COL19A1: variants seen among roughly 807,000 people sequenced by gnomAD.
COL19A1 encodes the protein collagen type XIX alpha 1 chain.
COL19A1 carries 159 observed loss-of-function variants against 190.2 expected under a neutral mutation model. The ratio of observed to expected loss-of-function variants is 0.84; its 90% CI spans 0.73 to 0.95. COL19A1 has a LOEUF of 0.95. Among genes scored for constraint, COL19A1 ranks in the 40% least tolerant of loss-of-function variants. The pLI is 0.00. For synonymous variants in COL19A1, 509 were observed against 458.9 expected (o/e 1.11, Z -1.39); for missense variants, 1,418 against 1,431.9 (o/e 0.99, Z 0.16).
chr6:70,131,292 C>A, intron 18 of COL19A1: 3 of 210,144 alleles, frequency 1.4e-5, no homozygotes, highest in Non-Finnish European at 2.9e-5. Flanking sequence ...AGATTGAGGG[C>A]AGGGGATTTT....
chr6:70,051,605 C>A (rs1289395077), intron 14 of COL19A1, among the ~76,000 whole-genome samples: 1 of 152,102 alleles, frequency 6.6e-6, no homozygotes, highest in Non-Finnish European at 1.5e-5. Context: ...AAACAGTAAG[C>A]AAATCTATCC....
At chr6:70,032,632 T>C (rs1323163954) in intron 12 of COL19A1, among the ~76,000 whole-genome samples, 1 of 152,150 alleles carries the variant, frequency 6.6e-6, no homozygotes, top group Non-Finnish European at 1.5e-5. Context: ...GTGAGATATT[T>C]TACATTTTTT....
At chr6:70,142,241 G>T (rs369060602) in intron 22 of COL19A1, among the ~76,000 whole-genome samples, 165 bp downstream of exon 22, 1 of 151,982 alleles carries the variant, frequency 6.6e-6, no homozygotes, top group Non-Finnish European at 1.5e-5. Flanking sequence ...TTTATTACAC[G>T]CATAGTAACT....
At chr6:70,190,254 T>G in intron 47 of COL19A1, 61 bp from the exon 48 acceptor site, 1 of 1,293,244 alleles carries the variant, frequency 7.7e-7, no homozygotes, top group Non-Finnish European at 1.1e-6. Context: ...ACCCAATATT[T>G]CTATTCTTTA....
Position 70,137,256 on chromosome 6 carries a change from T to C in COL19A1, c.1384-429T>C, listed in dbSNP as rs539067219. Among the ~76,000 whole-genome samples the C allele has an allele frequency of 3.3e-5, 5 of 152,230 alleles. No homozygotes were observed. In the South Asian group the frequency reaches 1.0e-3, roughly 32 times the overall value. On this transcript the variant is annotated intron_variant, in intron 18 of 50. Coordinates refer to ENST00000620364, the MANE Select transcript of COL19A1 (RefSeq NM_001858.6). ...TTTTGCTTCATATAACTGCTGACTC[T>C]GCCCACCTAAACAAAGAAAAAAGTG...
chr6:70,081,419 C>A (rs1341771212), intron 15 of COL19A1, among the ~76,000 whole-genome samples: 5 of 152,062 alleles, frequency 3.3e-5, no homozygotes, highest in African/African-American at 1.2e-4. Context: ...GAAGGATGAA[C>A]AAATCTATAA....
intron 48 of COL19A1, among the ~76,000 whole-genome samples, chr6:70,197,206 G>A (rs1181558149): frequency 1.3e-5 from 2 of 151,818 alleles, no homozygotes; most frequent in African/African-American, 4.8e-5. Flanking sequence ...GGATCACGAG[G>A]TCAGGAGATC....
At chr6:70,188,337 A>G (rs1766656442) in intron 47 of COL19A1, 92 bp downstream of exon 47, 1 of 1,417,904 alleles carries the variant, frequency 7.1e-7, no homozygotes, top group Admixed American at 2.9e-5. Context: ...TTTCAAATAA[A>G]TAAAACAAAC....
At chr6:70,029,672 C>G (rs973860159) in intron 12 of COL19A1, among the ~76,000 whole-genome samples, 1 of 152,146 alleles carries the variant, frequency 6.6e-6, no homozygotes, top group African/African-American at 2.4e-5. Context: ...ATGGCCTTAA[C>G]AACATTGTAC....
At chr6:70,077,960 T>G (rs1346160127) in intron 15 of COL19A1, among the ~76,000 whole-genome samples, 1 of 152,254 alleles carries the variant, frequency 6.6e-6, no homozygotes, top group Non-Finnish European at 1.5e-5. Context: ...CTTCACACTC[T>G]CCATTGGCCA....
intron 11 of COL19A1, among the ~76,000 whole-genome samples, chr6:69,968,104 T>C (rs370097135): frequency 3.9e-4 from 59 of 152,298 alleles, no homozygotes; most frequent in African/African-American, 1.3e-3. Context: ...TTAGGCTTGG[T>C]GCTGATTGTA....
At chr6:70,057,852 G>T (rs1183982248) in intron 14 of COL19A1, among the ~76,000 whole-genome samples, 3 of 152,062 alleles carry the variant, frequency 2.0e-5, no homozygotes, top group Non-Finnish European at 4.4e-5. Context: ...TGCTGCAGAA[G>T]TACCAAGAGA....
At chr6:69,926,287 G>C (rs963970430) in intron 4 of COL19A1, among the ~76,000 whole-genome samples, 2 of 152,120 alleles carry the variant, frequency 1.3e-5, no homozygotes, top group African/African-American at 4.8e-5. Flanking sequence ...AGATAAAAGA[G>C]TGGCCAATAG....
intron 19 of COL19A1, 122 bp from the exon 20 acceptor site, chr6:70,140,832 G>A: frequency 8.5e-6 from 7 of 827,110 alleles, no homozygotes; most frequent in East Asian, 7.5e-5. Flanking sequence ...GACACTCTGG[G>A]TATTTTTGGA....
chr6:70,188,547 G>C (rs1260889427), intron 47 of COL19A1, among the ~76,000 whole-genome samples: 2 of 152,188 alleles, frequency 1.3e-5, no homozygotes, highest in Admixed American at 6.5e-5. Context: ...AAGTGGGTCA[G>C]ACCCAGGTCT....
chr6:70,091,166 A>G (rs1408173056), intron 15 of COL19A1, among the ~76,000 whole-genome samples: 1 of 152,110 alleles, frequency 6.6e-6, no homozygotes, highest in Non-Finnish European at 1.5e-5. Flanking sequence ...CCTAGTGGTA[A>G]TGGTCAGAGA....
chr6:70,188,968 G>A (rs1055117406), intron 47 of COL19A1, among the ~76,000 whole-genome samples: 1 of 152,030 alleles, frequency 6.6e-6, no homozygotes, highest in African/African-American at 2.4e-5. Flanking sequence ...CTATATTTCT[G>A]CCCACTGTCC....
At chr6:70,143,358 C>T (rs1401567342) in intron 23 of COL19A1, among the ~76,000 whole-genome samples, 2 of 152,110 alleles carry the variant, frequency 1.3e-5, no homozygotes, top group African/African-American at 4.8e-5. Flanking sequence ...CCTTTCTATT[C>T]ATTATCCGGA....
chr6:69,940,751 T>A lies in COL19A1; in HGVS notation c.936+2651T>A, dbSNP rs1161506127. Among the ~76,000 whole-genome samples, 4 of 152,164 alleles carry A rather than the reference T, an allele frequency of 2.6e-5. No individual in the cohort carries two copies. The East Asian group carries it at 7.7e-4, about 29-fold the overall frequency. The stretch of plus-strand genomic sequence containing the variant: ...ATCTTTTCAATACATGCACCCACAT[T>A]TGCTTAAACCAACATATGCTCTGCC... On this transcript the variant is annotated intron_variant, in intron 9 of 50. Transcript: ENST00000620364.
Sources: gnomAD v4.1 joint callset for allele counts (sites outside exome capture counted in the v4.1 genomes callset) on GRCh38, gnomAD v4.1.1 for gene constraint, MANE v1.5 for transcripts, NCBI Gene and HGNC (gene_info 2026-07-23, HGNC 2026-07-21) for gene names.